The following SLMAP variants were observed in gnomAD, a reference collection of about 807,000 sequenced individuals.
The protein encoded by SLMAP is sarcolemmal membrane-associated protein.
In SLMAP, 44 loss-of-function variants were observed where a neutral mutation model predicts 128.8. The observed-to-expected ratio is 0.34, with a 90% CI of 0.27 to 0.44. SLMAP has a LOEUF of 0.44. Among genes scored for constraint, SLMAP ranks in the 20% least tolerant of loss-of-function variants. The probability of loss-of-function intolerance (pLI) is 1.00; values close to 1 mark genes in which losing one functional copy is unlikely to be tolerated. For synonymous variants in SLMAP, 327 were observed against 348.8 expected (o/e 0.94, Z 0.70); for missense variants, 787 against 985.3 (o/e 0.80, Z 2.69).
intron 22 of SLMAP, among the ~76,000 whole-genome samples, chr3:57,921,219 A>G (rs993825060): frequency 6.6e-6 from 1 of 152,180 alleles, no homozygotes; most frequent in Non-Finnish European, 1.5e-5. Context: ...CATTGGTCTC[A>G]CCTTTAAAAG....
At chr3:57,820,774 C>T (rs1016367688) in intron 2 of SLMAP, among the ~76,000 whole-genome samples, 1 of 152,204 alleles carries the variant, frequency 6.6e-6, no homozygotes, top group Non-Finnish European at 1.5e-5. Context: ...TCCTGGTCCA[C>T]TTCGTCCTCC....
chr3:57,860,308 T>C (rs1363107173), intron 8 of SLMAP, among the ~76,000 whole-genome samples: 1 of 152,228 alleles, frequency 6.6e-6, no homozygotes, highest in South Asian at 2.1e-4. Flanking sequence ...TTTTCCCCCA[T>C]GGTACTCTTA....
rs889140355 is a variant in SLMAP at position 57,864,806 on chromosome 3, G to A, written c.1136-1G>A. 1.3e-6 allele frequency: 2 copies of A among 1,583,612 alleles called. No individual in the cohort carries two copies. Among genetic ancestry groups the A allele is most frequent in the Non-Finnish European group, 1.7e-6 (2 of 1,167,996 alleles). Reference sequence around the variant, plus strand: ...TTTTTTTTTTGGACTTTTATTTACAGTACGGTTAGAACATCTTCAGGAGAA... The same window carrying A: ...TTTTTTTTTTGGACTTTTATTTACAATACGGTTAGAACATCTTCAGGAGAA... On this transcript the variant is annotated splice_acceptor_variant, in intron 11 of 24. Coordinates refer to ENST00000671191, the MANE Select transcript of SLMAP (RefSeq NM_001377540.1). LOFTEE classifies it high-confidence loss of function.
chr3:57,910,288 C>A (rs2153687216), intron 19 of SLMAP, among the ~76,000 whole-genome samples: 1 of 152,234 alleles, frequency 6.6e-6, no homozygotes, highest in Non-Finnish European at 1.5e-5. Context: ...CTCCCGAGTT[C>A]AAGTGATTCT....
At chr3:57,816,127 G>GTGTT (rs554703436) in intron 2 of SLMAP, among the ~76,000 whole-genome samples, 11,484 of 151,440 alleles carry the variant, frequency 0.076, 630 homozygotes, top group African/African-American at 0.16. Flanking sequence ...TAAACCGTTT[G>GTGTT]TGTTTGTTTG....
chr3:57,889,951 A>T, intron 14 of SLMAP, 90 bp from the exon 15 acceptor site: 1 of 852,832 alleles, frequency 1.2e-6, no homozygotes, highest in Non-Finnish European at 2.0e-6. Context: ...TATCATCTTT[A>T]AATTTGGTCA....
At chr3:57,871,195 G>T (rs1327162845) in intron 13 of SLMAP, among the ~76,000 whole-genome samples, 1 of 152,062 alleles carries the variant, frequency 6.6e-6, no homozygotes, top group African/African-American at 2.4e-5. Flanking sequence ...AAATCTTATG[G>T]TATTACTTTA....
chr3:57,817,246 T>C (rs774014604), intron 2 of SLMAP, among the ~76,000 whole-genome samples: 5 of 152,202 alleles, frequency 3.3e-5, no homozygotes, highest in Admixed American at 1.3e-4. Context: ...TTTTACTGAA[T>C]CAGAAATCAT....
rs749410060 is a variant in SLMAP, at chr3:57,926,133, G to T, written c.*6+199G>T. On this transcript the variant is annotated intron_variant, in intron 24 of 24. Coordinates refer to ENST00000671191, the MANE Select transcript of SLMAP (RefSeq NM_001377540.1). ...CATAACTTTTTGTCTTGTTTACTTT[G>T]TAGTAATGCTAACCATGAGTTAATT... The T allele has an allele frequency of 7.1e-6, 4 of 565,766 alleles. No individual in the cohort carries two copies. In the African/African-American group the frequency reaches 7.6e-5, roughly 11 times the overall value. 35.0% of individuals were successfully genotyped at this position (565,766 alleles called of 1,614,324 possible).
At chr3:57,882,099 C>T (rs190320190) in intron 14 of SLMAP, among the ~76,000 whole-genome samples, 1 of 152,206 alleles carries the variant, frequency 6.6e-6, no homozygotes, top group East Asian at 1.9e-4. Context: ...ATTATTTAAT[C>T]CTTTTTTTAG....
Position 57,893,076 on chromosome 3 carries a change from G to A in SLMAP, c.1360+2976G>A, listed in dbSNP as rs969675327. ...TCTCGATCTCCTGACCTCTTGATCC[G>A]CCCGCCTCGGCCTCCCAAAGTGCTG... On this transcript the variant is annotated intron_variant, in intron 15 of 24. Transcript: ENST00000671191. 8.5e-4 allele frequency among the ~76,000 whole-genome samples: 128 copies of A among 151,414 alleles called. 4 individuals are homozygous for A. In the East Asian group the frequency reaches 0.015, roughly 17 times the overall value.
At chr3:57,848,514 CT>C (rs2094371043) in intron 5 of SLMAP, among the ~76,000 whole-genome samples, 1 of 145,638 alleles carries the variant, frequency 6.9e-6, no homozygotes, top group Non-Finnish European at 1.5e-5. Flanking sequence ...CTTCTTTCTT[CT>C]TCTTCCTTCT....
rs542132585 is a variant in SLMAP at position 57,866,291 on chromosome 3, A to C, written c.1237+999A>C. Among the ~76,000 whole-genome samples the C allele has an allele frequency of 3.9e-5, 6 of 152,198 alleles. No individual in the cohort carries two copies. In the East Asian group the frequency reaches 1.2e-3, roughly 29 times the overall value. On this transcript the variant is annotated intron_variant, in intron 13 of 24. Coordinates refer to ENST00000671191, the MANE Select transcript of SLMAP (RefSeq NM_001377540.1). ...GTCTTTAAAAAAGAAAAGAAAAGAA[A>C]AGAAAAGACAAAATATTTTTTCCAT...
chr3:57,897,823 G>C (rs1350776589), intron 17 of SLMAP: 1 of 152,086 alleles, frequency 6.6e-6, no homozygotes. Context: ...GAATGAAGTG[G>C]GTAGAAAATA....
chr3:57,823,968 C>T (rs993368500), intron 2 of SLMAP, among the ~76,000 whole-genome samples: 3 of 151,860 alleles, frequency 2.0e-5, no homozygotes, highest in Non-Finnish European at 2.9e-5. Context: ...CTCTGATGGC[C>T]AGTGATGATG....
chr3:57,913,311 A>G (rs2096738056), intron 21 of SLMAP, 36 bp downstream of exon 21: 4 of 871,626 alleles, frequency 4.6e-6, no homozygotes, highest in East Asian at 2.6e-5. Flanking sequence ...GATATAAAAT[A>G]TTTCTTTATC....
intron 2 of SLMAP, among the ~76,000 whole-genome samples, chr3:57,780,259 ACCTTGGTCT>A (rs1363626277): frequency 6.6e-6 from 1 of 151,012 alleles, no homozygotes; most frequent in East Asian, 2.0e-4. Context: ...CCATCTGCCC[ACCTTGGTCT>A]CCCGAGTAGC....
intron 14 of SLMAP, among the ~76,000 whole-genome samples, chr3:57,874,272 A>G (rs1189065559): frequency 6.6e-6 from 1 of 152,228 alleles, no homozygotes; most frequent in Non-Finnish European, 1.5e-5. Context: ...AACCTAGGCA[A>G]CAGAGCAAAT....
At chr3:57,893,952 T>TTG (rs969443821) in intron 15 of SLMAP, among the ~76,000 whole-genome samples, 4 of 152,310 alleles carry the variant, frequency 2.6e-5, no homozygotes, top group Non-Finnish European at 5.9e-5. Context: ...CAAAGACTTC[T>TTG]TGAAATTCAT....
Sources: gnomAD v4.1 joint callset for allele counts (sites outside exome capture counted in the v4.1 genomes callset) on GRCh38, gnomAD v4.1.1 for gene constraint, MANE v1.5 for transcripts, NCBI Gene and HGNC (gene_info 2026-07-23, HGNC 2026-07-21) for gene names.